NRXN1: variants seen among roughly 807,000 people sequenced by gnomAD.
NRXN1 encodes neurexin 1, also known as neurexin-1.
In NRXN1, 39 loss-of-function variants were observed where a neutral mutation model predicts 150.9. The observed-to-expected ratio is 0.26, with a 90% confidence interval of 0.20 to 0.34. The LOEUF (loss-of-function observed/expected upper bound fraction) is 0.34, where lower values mean the gene tolerates loss of function less well. Ranked by LOEUF, NRXN1 falls within the 10% of genes least tolerant of loss-of-function variation. NRXN1 has a pLI of 1.00. For missense variants in NRXN1, 1,815 were observed against 1,949.9 expected (o/e 0.93, Z 1.30); for synonymous variants, 924 against 757.0 (o/e 1.22, Z -3.62).
intron 17 of NRXN1, among the ~76,000 whole-genome samples, chr2:50,239,986 A>G (rs141183990): frequency 6.8e-3 from 1,028 of 151,470 alleles, no homozygotes; most frequent in Non-Finnish European, 7.8e-3. Context: ...TGGAACTATG[A>G]AAGTTTCTAG....
chr2:50,753,866 C>T (rs1478218504), intron 5 of NRXN1, among the ~76,000 whole-genome samples: 1 of 148,914 alleles, frequency 6.7e-6, no homozygotes, highest in African/African-American at 2.5e-5. Flanking sequence ...ACTGACAAGC[C>T]ACAAACATAA....
intron 5 of NRXN1, among the ~76,000 whole-genome samples, chr2:50,726,484 T>TA (rs1265477654): frequency 2.0e-5 from 3 of 152,216 alleles, no homozygotes; most frequent in African/African-American, 7.2e-5. Context: ...GGATGATAGT[T>TA]ACATTTCTTG....
At chr2:50,821,781 C>T (rs377425022) in intron 5 of NRXN1, among the ~76,000 whole-genome samples, 3 of 152,268 alleles carry the variant, frequency 2.0e-5, no homozygotes, top group African/African-American at 7.2e-5. Context: ...AAGCAAATTA[C>T]ACTGATTTAG....
intron 8 of NRXN1, chr2:50,619,051 G>C (rs994620064): frequency 6.6e-6 from 1 of 152,054 alleles, no homozygotes. Context: ...AGAAGACAGG[G>C]AAGGATAATT....
intron 15 of NRXN1, among the ~76,000 whole-genome samples, chr2:50,487,165 G>A (rs1017047506): frequency 6.6e-6 from 1 of 152,114 alleles, no homozygotes; most frequent in Admixed American, 6.5e-5. Flanking sequence ...CTTACCTAAT[G>A]CCTAGTAAAG....
At chr2:50,736,885 G>A (rs561360801) in intron 5 of NRXN1, among the ~76,000 whole-genome samples, 34 of 152,258 alleles carry the variant, frequency 2.2e-4, no homozygotes, top group Non-Finnish European at 3.2e-4. Context: ...TCTAATGCCC[G>A]TTCTTGACAC....
chr2:50,588,494 ATGTC>A (rs775415258), intron 8 of NRXN1, among the ~76,000 whole-genome samples: 3 of 152,296 alleles, frequency 2.0e-5, no homozygotes, highest in Non-Finnish European at 2.9e-5. Flanking sequence ...AGAGTGCTGA[ATGTC>A]TGACTCCTCC....
intron 17 of NRXN1, among the ~76,000 whole-genome samples, chr2:50,315,119 T>C (rs2152967967): frequency 6.6e-6 from 1 of 152,180 alleles, no homozygotes; most frequent in South Asian, 2.1e-4. Flanking sequence ...ACGACCACAA[T>C]AAACACAGTA....
intron 17 of NRXN1, among the ~76,000 whole-genome samples, chr2:50,386,700 C>T (rs1478416539): frequency 2.6e-5 from 4 of 152,134 alleles, no homozygotes; most frequent in Admixed American, 6.6e-5. Context: ...ATGGGAATGA[C>T]AGTTATTGCA....
At chr2:50,097,435 T>C (rs992518123) in intron 18 of NRXN1, among the ~76,000 whole-genome samples, 1 of 152,154 alleles carries the variant, frequency 6.6e-6, no homozygotes, top group Non-Finnish European at 1.5e-5. Context: ...ACATTGTTGA[T>C]TGAAACCAGA....
intron 5 of NRXN1, among the ~76,000 whole-genome samples, chr2:50,630,344 A>G (rs911059855): frequency 6.6e-6 from 1 of 151,522 alleles, no homozygotes; most frequent in Non-Finnish European, 1.5e-5. Flanking sequence ...ACTTTACGGG[A>G]AAAAAAATGT....
intron 5 of NRXN1, among the ~76,000 whole-genome samples, chr2:50,717,979 G>A (rs896608986): frequency 3.9e-5 from 6 of 152,122 alleles, no homozygotes; most frequent in East Asian, 1.9e-4. Flanking sequence ...TTGGGAAGGC[G>A]GAATAAACAT....
chr2:50,324,565 C>G, intron 17 of NRXN1, among the ~76,000 whole-genome samples: 1 of 152,276 alleles, frequency 6.6e-6, no homozygotes, highest in Middle Eastern at 3.4e-3. Context: ...TTATTTGAGA[C>G]GGAGTCTCGC....
chr2:49,979,232 G>A (rs1456824024), intron 21 of NRXN1, among the ~76,000 whole-genome samples: 1 of 152,176 alleles, frequency 6.6e-6, no homozygotes, highest in African/African-American at 2.4e-5. Context: ...AGGAGGTGGA[G>A]GTTGCAGTAA....
At chr2:50,373,655 AAAG>A (rs764358754) in intron 17 of NRXN1, among the ~76,000 whole-genome samples, 5,511 of 93,132 alleles carry the variant, frequency 0.059, 131 homozygotes, top group East Asian at 0.13. Flanking sequence ...AGAAAGAAAG[AAAG>A]AAAGAAAGAA....
chr2:50,362,027 A>G lies in NRXN1; in HGVS notation c.3364+103415T>C, dbSNP rs541411498. On this transcript the variant is annotated intron_variant, in intron 17 of 22. Transcript: ENST00000401669. ...ATGATTATCTCAATAGATGCAGAAA[A>G]GGCCTTCAATAAAATTCAACAGCCC... Among the ~76,000 whole-genome samples the G allele has an allele frequency of 2.8e-4, 43 of 152,334 alleles. No homozygotes were observed. The South Asian group carries it at 8.5e-3, about 30-fold the overall frequency.
chr2:51,006,603 T>C (rs1426356386), intron 2 of NRXN1, among the ~76,000 whole-genome samples: 1 of 151,828 alleles, frequency 6.6e-6, no homozygotes, highest in Non-Finnish European at 1.5e-5. Flanking sequence ...ATAATAACCT[T>C]CTGTTACTCT....
At chr2:50,600,885 T>C (rs1350813296) in intron 8 of NRXN1, among the ~76,000 whole-genome samples, 1 of 152,142 alleles carries the variant, frequency 6.6e-6, no homozygotes, top group Non-Finnish European at 1.5e-5. Flanking sequence ...TGAAGGATTC[T>C]GACATTTAGA....
chr2:50,302,486 G>A (rs1350026224), intron 17 of NRXN1, among the ~76,000 whole-genome samples: 1 of 152,126 alleles, frequency 6.6e-6, no homozygotes, highest in Non-Finnish European at 1.5e-5. Context: ...CATACCAAAA[G>A]TCAAGAATGC....
Sources: gnomAD v4.1 joint callset for allele counts (sites outside exome capture counted in the v4.1 genomes callset) on GRCh38, gnomAD v4.1.1 for gene constraint, MANE v1.5 for transcripts, NCBI Gene and HGNC (gene_info 2026-07-23, HGNC 2026-07-21) for gene names.